The following SLIT2 variants were observed in gnomAD, a reference collection of about 807,000 sequenced individuals.
The protein encoded by SLIT2 is slit homolog 2 protein.
Under a neutral mutation model 185.7 loss-of-function variants are expected in SLIT2, and 41 were observed. That is an observed-to-expected ratio of 0.22 (90% confidence interval 0.17 to 0.29). The LOEUF is 0.29. Ranked by LOEUF, SLIT2 falls within the 10% of genes least tolerant of loss-of-function variation. The pLI, the probability that SLIT2 is intolerant of heterozygous loss-of-function variation, is 1.00. For missense variants in SLIT2, 1,571 were observed against 1,909.0 expected, an observed-to-expected ratio of 0.82 and a Z score of 3.30; for synonymous variants, 693 against 680.2, an observed-to-expected ratio of 1.02 and a Z score of -0.29.
At chr4:20,615,698 C>T (rs1729596650) in intron 34 of SLIT2, 1 of 152,358 alleles carries the variant, frequency 6.6e-6, no homozygotes, top group Middle Eastern at 3.4e-3. Context: ...ATGGATGAGT[C>T]ATTTCCTATG....
At position 20,595,798 on chromosome 4, in the gene SLIT2, T is replaced by G. The variant is rs764830449; in HGVS notation, c.3284T>G (p.Val1095Gly). The G allele has an allele frequency of 6.8e-6, 11 of 1,614,112 alleles. No individual in the cohort carries two copies. The highest frequency in any genetic ancestry group is 8.5e-7 in the Non-Finnish European group (1 of 1,179,966). Residue 1095 changes from valine (V) to glycine (G), a missense_variant, in exon 31 of 37, where the codon GTG becomes GGG. Physicochemically the swap from Val to Gly is moderately radical, Grantham distance 109. Transcript: ENST00000504154. Reference sequence around the variant, plus strand: ...AACGGAGCCCACTGCACAGATGCAGTGAACGGCTATACGTGCATATGCCCC... The same window carrying G: ...AACGGAGCCCACTGCACAGATGCAGGGAACGGCTATACGTGCATATGCCCC... ...CKNGAHCTDA[V>G]NGYTCICPEG...
chr4:20,489,064 G>C (rs1017351845), intron 8 of SLIT2, 82 bp downstream of exon 8: 3 of 1,143,790 alleles, frequency 2.6e-6, no homozygotes, highest in Non-Finnish European at 3.8e-6. Flanking sequence ...TGCGTCAAAG[G>C]TTTCAGTATT....
intron 4 of SLIT2, among the ~76,000 whole-genome samples, chr4:20,278,235 T>TG (rs201425157): frequency 0.037 from 5,649 of 151,802 alleles, 269 homozygotes; most frequent in East Asian, 0.1. Context: ...TGTTTTTTTT[T>TG]TTGTTGTTGT....
chr4:20,281,043 G>C (rs1452367937), intron 4 of SLIT2, among the ~76,000 whole-genome samples: 4 of 152,234 alleles, frequency 2.6e-5, no homozygotes, highest in Non-Finnish European at 5.9e-5. Flanking sequence ...ATGTTGGTCA[G>C]GCTGGCGTCA....
rs191160563 is a variant in SLIT2 at position 20,265,038 on chromosome 4, T to C, written c.324-3772T>C. On this transcript the variant is annotated intron_variant, in intron 3 of 36. Coordinates refer to ENST00000504154, the MANE Select transcript of SLIT2 (RefSeq NM_004787.4). Reference sequence around the variant, plus strand: ...AATTTATGTTGGCTCCCATAAATAATCCTCTGTGATATCTTTAATTCACTA... The same window carrying C: ...AATTTATGTTGGCTCCCATAAATAACCCTCTGTGATATCTTTAATTCACTA... Among the ~76,000 whole-genome samples the C allele has an allele frequency of 1.1e-3, 160 of 152,056 alleles. 1 individual carries two copies. The highest frequency in any genetic ancestry group is 3.8e-3 in the African/African-American group (157 of 41,534).
chr4:20,569,076 A>C (rs1343695140), intron 29 of SLIT2, 72 bp downstream of exon 29: 1 of 1,270,456 alleles, frequency 7.9e-7, no homozygotes, highest in African/African-American at 1.5e-5. Context: ...ACTATGTTAT[A>C]TATGTTTAGT....
intron 4 of SLIT2, among the ~76,000 whole-genome samples, chr4:20,458,811 C>T (rs2148725891): frequency 6.6e-6 from 1 of 152,304 alleles, no homozygotes; most frequent in East Asian, 1.9e-4. Flanking sequence ...ACCCCAGTTC[C>T]TCATCTCCAA....
chr4:20,337,239 T>C (rs1434603746), intron 4 of SLIT2, among the ~76,000 whole-genome samples: 1 of 152,076 alleles, frequency 6.6e-6, no homozygotes, highest in Admixed American at 6.5e-5. Context: ...GGCCTCACAA[T>C]CATGGCGGAA....
In SLIT2 at chr4:20,370,256, A is replaced by G. The variant is rs28677144; in HGVS notation, c.396-97496A>G. Among the ~76,000 whole-genome samples the G allele has an allele frequency of 4.6e-3, 698 of 152,190 alleles. 10 individuals are homozygous for G. Among genetic ancestry groups the G allele is most frequent in the African/African-American group, 0.016 (678 of 41,554 alleles). ...ATATAGAAAACTCCTTTCCCTTTCC[A>G]CAAAGATTGGCTGGAGTAGACTCAA... is the stretch of plus-strand genomic sequence containing the variant. On this transcript the variant is annotated intron_variant, in intron 4 of 36. Transcript: ENST00000504154.
intron 9 of SLIT2, 95 bp from the exon 10 acceptor site, chr4:20,510,400 A>T: frequency 1.2e-6 from 1 of 820,104 alleles, no homozygotes; most frequent in Non-Finnish European, 2.1e-6. Flanking sequence ...CATGAAGAAC[A>T]TCAACTTTAC....
intron 4 of SLIT2, among the ~76,000 whole-genome samples, chr4:20,451,566 A>G (rs762113132): frequency 2.6e-5 from 4 of 152,252 alleles, no homozygotes; most frequent in Non-Finnish European, 4.4e-5. Flanking sequence ...TTATTTCATC[A>G]GTGAATATCT....
At chr4:20,554,729 T>C (rs1724091653) in intron 26 of SLIT2, among the ~76,000 whole-genome samples, 1 of 151,864 alleles carries the variant, frequency 6.6e-6, no homozygotes, top group South Asian at 2.1e-4. Flanking sequence ...ACTATTATTC[T>C]TAGATTGTGG....
chr4:20,550,843 G>C lies in SLIT2; in HGVS notation c.2506G>C (p.Asp836His). 1 of 1,605,822 alleles carries C rather than the reference G, an allele frequency of 6.2e-7. No homozygotes were observed. The highest frequency in any genetic ancestry group is 1.7e-4 in the Middle Eastern group (1 of 6,038). The change falls in exon 25 of 37, where the codon GAC (aspartate) becomes CAC (histidine). Residue 836 changes from aspartate to histidine, a missense_variant. Transcript: ENST00000504154. ...SLRLLSLHGN[D>H]ISVVPEGAFN... ...TTCTTTTAGTTCTCTACATGGAAATGACATTTCTGTTGTGCCTGAAGGTGC... is the reference window on the plus strand; with the variant it reads ...TTCTTTTAGTTCTCTACATGGAAATCACATTTCTGTTGTGCCTGAAGGTGC...
Position 20,253,713 on chromosome 4 carries a change from C to CT in SLIT2, c.-102dup. The CT allele has an allele frequency of 7.1e-7, 1 of 1,410,346 alleles. No homozygotes were observed. Among genetic ancestry groups the CT allele is most frequent in the Admixed American group, 1.9e-5 (1 of 53,086 alleles). The allele number at this position is 1,410,346 out of a possible 1,614,324, so 87.4% of individuals were successfully genotyped here. ...ACATTTTCCCTGGCACTCTGGGTTGCTAGCCCCGCCGGGCACTGGGCCTCA... is the reference window on the plus strand; with the variant it reads ...ACATTTTCCCTGGCACTCTGGGTTGCTTAGCCCCGCCGGGCACTGGGCCTCA... On this transcript the variant is annotated 5_prime_UTR_variant, in exon 1 of 37. Coordinates refer to ENST00000504154, the MANE Select transcript of SLIT2 (RefSeq NM_004787.4).
rs184707962 is a variant in SLIT2 at position 20,264,751 on chromosome 4, C to G, written c.324-4059C>G. ...TCAAACTCAAAAATAGCTGGTAGCA[C>G]AGAGCAAACAGTTACTGGAATCCTT... On this transcript the variant is annotated intron_variant, in intron 3 of 36. Transcript: ENST00000504154. Among the ~76,000 whole-genome samples, 273 of 152,002 alleles carry G rather than the reference C, an allele frequency of 1.8e-3. 1 individual carries two copies. The highest frequency in any genetic ancestry group is 2.3e-3 in the Non-Finnish European group (156 of 67,884).
At chr4:20,545,460 T>C (rs1281481474) in intron 21 of SLIT2, among the ~76,000 whole-genome samples, 1 of 51,084 alleles carries the variant, frequency 2.0e-5, no homozygotes, top group East Asian at 5.6e-3. Flanking sequence ...TGCTGTTACA[T>C]ATATATATAT....
At chr4:20,441,474 C>G (rs1454513730) in intron 4 of SLIT2, among the ~76,000 whole-genome samples, 1 of 150,916 alleles carries the variant, frequency 6.6e-6, no homozygotes, top group East Asian at 1.9e-4. Flanking sequence ...GGAACGTGTT[C>G]CCTCATCCAA....
At position 20,519,820 on chromosome 4, in the gene SLIT2, C is replaced by T. The variant is rs142900596; in HGVS notation, c.1130+367C>T. Among the ~76,000 whole-genome samples the T allele has an allele frequency of 3.1e-3, 473 of 151,800 alleles. 4 individuals are homozygous for T. The highest frequency in any genetic ancestry group is 0.011 in the African/African-American group (437 of 41,392). On this transcript the variant is annotated intron_variant, in intron 12 of 36. Transcript: ENST00000504154. ...GGCCGAGGCAGGTGGATCACGAGGT[C>T]AGGAGATCCAGACCATCCTGGCTAA...
At chr4:20,464,323 T>C (rs1319341548) in intron 4 of SLIT2, among the ~76,000 whole-genome samples, 1 of 152,176 alleles carries the variant, frequency 6.6e-6, no homozygotes, top group Non-Finnish European at 1.5e-5. Context: ...TCCTCCCGAC[T>C]ATCACCTTCC....
Sources: gnomAD v4.1 joint callset for allele counts (sites outside exome capture counted in the v4.1 genomes callset) on GRCh38, gnomAD v4.1.1 for gene constraint, MANE v1.5 for transcripts, NCBI Gene and HGNC (gene_info 2026-07-23, HGNC 2026-07-21) for gene names.